CCDC171: variants seen among roughly 807,000 people sequenced by gnomAD.
CCDC171 encodes the protein coiled-coil domain-containing protein 171.
CCDC171 carries 177 observed loss-of-function variants against 168.2 expected under a neutral mutation model. The observed-to-expected ratio is 1.05, with a 90% CI of 0.93 to 1.19. CCDC171 has a LOEUF of 1.19. Ranked by LOEUF, CCDC171 falls within the 50% of genes most tolerant of loss-of-function variation. The pLI, the probability that CCDC171 is intolerant of heterozygous loss-of-function variation, is 0.00. For missense variants in CCDC171, 1,991 were observed against 1,539.0 expected (o/e 1.29, Z -4.91); for synonymous variants, 687 against 540.8 (o/e 1.27, Z -3.75).
chr9:15,715,291 A>T (rs1026335479), intron 11 of CCDC171, among the ~76,000 whole-genome samples: 1 of 152,214 alleles, frequency 6.6e-6, no homozygotes, highest in African/African-American at 2.4e-5. Context: ...CATTTTTCCT[A>T]AACACTCTAG....
chr9:15,821,584 T>C (rs1403114748), intron 21 of CCDC171, among the ~76,000 whole-genome samples: 1 of 116,850 alleles, frequency 8.6e-6, no homozygotes, highest in African/African-American at 3.2e-5. Context: ...CCATTCACAA[T>C]TGCTTCAAAG....
chr9:15,799,886 G>T (rs2058737052), intron 21 of CCDC171, among the ~76,000 whole-genome samples: 1 of 152,048 alleles, frequency 6.6e-6, no homozygotes, highest in South Asian at 2.1e-4. Context: ...TTGCCTTTCT[G>T]TACCTGGCTT....
intron 21 of CCDC171, among the ~76,000 whole-genome samples, chr9:15,831,927 C>T (rs1408941327): frequency 6.6e-6 from 1 of 151,904 alleles, no homozygotes; most frequent in Non-Finnish European, 1.5e-5. Flanking sequence ...ATTAAAGTCC[C>T]TTATAGTTAG....
intron 21 of CCDC171, among the ~76,000 whole-genome samples, chr9:15,793,799 G>A (rs1430909149): frequency 2.6e-5 from 4 of 151,616 alleles, no homozygotes; most frequent in South Asian, 2.1e-4. Context: ...TGCCTGCCTC[G>A]GCCTCCCAAA....
intron 14 of CCDC171, among the ~76,000 whole-genome samples, chr9:15,727,600 C>T (rs2053890110): frequency 6.6e-6 from 1 of 152,116 alleles, no homozygotes; most frequent in South Asian, 2.1e-4. Context: ...AAATCACAAC[C>T]TCCATCAGTA....
At chr9:16,006,932 T>C (rs1478875179) in intron 3 of CCDC171, among the ~76,000 whole-genome samples, 1 of 152,214 alleles carries the variant, frequency 6.6e-6, no homozygotes, top group Admixed American at 6.5e-5. Flanking sequence ...TTTATAGTCC[T>C]TTGGGTATAT....
At chr9:15,789,866 C>A (rs987037752) in intron 21 of CCDC171, among the ~76,000 whole-genome samples, 1 of 150,748 alleles carries the variant, frequency 6.6e-6, no homozygotes, top group African/African-American at 2.4e-5. Flanking sequence ...GTTTTTTGTC[C>A]CTGCAATAGT....
chr9:15,695,380 C>G lies in CCDC171; in HGVS notation c.1318+43C>G, dbSNP rs761025135. ...AATGACAGATGCATCTGTCAATGTT[C>G]CAAAGTCACTACATTTTGGGAATTC... is the stretch of plus-strand genomic sequence containing the variant. On this transcript the variant is annotated intron_variant, in intron 11 of 25. Coordinates refer to ENST00000380701, the MANE Select transcript of CCDC171 (RefSeq NM_173550.4). 15 of 1,431,770 alleles carry G rather than the reference C, an allele frequency of 1.0e-5. No homozygotes were observed. The East Asian group carries it at 3.4e-4, about 33-fold the overall frequency. 88.7% of individuals were successfully genotyped at this position (1,431,770 alleles called of 1,614,324 possible).
At chr9:15,786,089 A>G (rs752066970) in intron 21 of CCDC171, among the ~76,000 whole-genome samples, 1 of 152,104 alleles carries the variant, frequency 6.6e-6, no homozygotes, top group Non-Finnish European at 1.5e-5. Context: ...AGTATTTTAG[A>G]GTATGTTTTT....
intron 6 of CCDC171, among the ~76,000 whole-genome samples, chr9:15,608,711 G>A (rs979755813): frequency 1.3e-5 from 2 of 151,194 alleles, no homozygotes; most frequent in Non-Finnish European, 2.9e-5. Context: ...TAGCATTTTA[G>A]GAGTCTGAGG....
At chr9:16,069,751 G>T in the CCDC171 span, among the ~76,000 whole-genome samples, 1 of 152,186 alleles carries the variant, frequency 6.6e-6, no homozygotes, top group Non-Finnish European at 1.5e-5. Context: ...AGCCTAAGGC[G>T]GTGAGAGCTT....
chr9:15,720,771 T>C (rs2053426227), intron 11 of CCDC171, among the ~76,000 whole-genome samples: 1 of 152,186 alleles, frequency 6.6e-6, no homozygotes, highest in South Asian at 2.1e-4. Flanking sequence ...GCATGTGCCA[T>C]GTTGGTGTGC....
intron 21 of CCDC171, among the ~76,000 whole-genome samples, chr9:15,825,508 T>C (rs2059974905): frequency 6.6e-6 from 1 of 152,164 alleles, no homozygotes; most frequent in Non-Finnish European, 1.5e-5. Flanking sequence ...GATTAGAGTT[T>C]TAATAAATTG....
At chr9:15,771,736 C>T (rs1188083171) in intron 18 of CCDC171, among the ~76,000 whole-genome samples, 1 of 152,118 alleles carries the variant, frequency 6.6e-6, no homozygotes, top group African/African-American at 2.4e-5. Flanking sequence ...TAGTAGAATA[C>T]TTTCGATACA....
intron 21 of CCDC171, among the ~76,000 whole-genome samples, chr9:15,827,125 C>G (rs1419283488): frequency 6.6e-6 from 1 of 152,164 alleles, no homozygotes; most frequent in Non-Finnish European, 1.5e-5. Context: ...TTTGGCACCA[C>G]CACTCGTAGC....
In CCDC171 at chr9:15,594,059, C is replaced by T. The variant is rs200577526; in HGVS notation, c.562C>T (p.Gln188Ter). ...KTLQEALEKH[Q>*]REKNEMESHI... ...TATAAAGGAAGCGTTGGAAAAACAT[C>T]AACGGGAGAAGAATGAGATGGAGTC... is the stretch of plus-strand genomic sequence containing the variant. The change falls in exon 6 of 26, where the codon CAA becomes TAA. Residue 188 changes from glutamine (Q) to a stop codon, truncating the protein, a stop_gained. Coordinates refer to ENST00000380701, the MANE Select transcript of CCDC171 (RefSeq NM_173550.4). LOFTEE classifies it high-confidence loss of function. The T allele has an allele frequency of 4.4e-6, 7 of 1,589,300 alleles. No homozygotes were observed. The highest frequency in any genetic ancestry group is 1.2e-5 in the South Asian group (1 of 86,892).
At chr9:15,965,352 A>T (rs376828027) in intron 25 of CCDC171, among the ~76,000 whole-genome samples, 8 of 152,300 alleles carry the variant, frequency 5.3e-5, no homozygotes, top group African/African-American at 1.9e-4. Context: ...ATGCCTCTAG[A>T]TACAAAATAA....
chr9:15,630,468 A>C (rs2045583179), intron 7 of CCDC171, among the ~76,000 whole-genome samples: 1 of 152,202 alleles, frequency 6.6e-6, no homozygotes, highest in African/African-American at 2.4e-5. Context: ...TTCAACAAGA[A>C]GAGCTAACTA....
At chr9:16,101,023 G>A in the CCDC171 span, among the ~76,000 whole-genome samples, 6 of 152,226 alleles carry the variant, frequency 3.9e-5, no homozygotes, top group Admixed American at 3.9e-4. Context: ...AGTATGCAGG[G>A]TGTTGACAGG....
Sources: gnomAD v4.1 joint callset for allele counts (sites outside exome capture counted in the v4.1 genomes callset) on GRCh38, gnomAD v4.1.1 for gene constraint, MANE v1.5 for transcripts, NCBI Gene and HGNC (gene_info 2026-07-23, HGNC 2026-07-21) for gene names.